The following WWOX variants were observed in gnomAD, a reference collection of about 807,000 sequenced individuals.
WWOX encodes the protein WW domain-containing oxidoreductase.
WWOX carries 69 observed loss-of-function variants against 46.2 expected under a neutral mutation model. That is an observed-to-expected ratio of 1.49 (90% CI 1.23 to 1.82). The LOEUF (loss-of-function observed/expected upper bound fraction) is 1.82, where lower values mean the gene tolerates loss of function less well. Among genes scored for constraint, WWOX ranks in the 40% most tolerant of loss-of-function variants. The pLI is 0.00. For missense variants in WWOX, 919 were observed against 542.6 expected, an observed-to-expected ratio of 1.69 and a Z score of -6.89; for synonymous variants, 359 against 202.6, an observed-to-expected ratio of 1.77 and a Z score of -6.56.
intron 8 of WWOX, among the ~76,000 whole-genome samples, chr16:79,075,053 A>C (rs2048629017): frequency 6.6e-6 from 1 of 152,168 alleles, no homozygotes; most frequent in Admixed American, 6.5e-5. Context: ...ATGAAAAATC[A>C]CTATGGAAGT....
intron 1 of WWOX, 83 bp from the exon 2 acceptor site, chr16:78,108,340 G>T (rs867248477): frequency 2.1e-6 from 3 of 1,403,978 alleles, no homozygotes; most frequent in Middle Eastern, 3.7e-4. Context: ...GGCTATCTGG[G>T]AGAGAAAAAA....
intron 8 of WWOX, chr16:78,534,312 A>ATAGC (rs1319126805): frequency 2.0e-5 from 3 of 152,208 alleles, no homozygotes; most frequent in Non-Finnish European, 4.4e-5. Flanking sequence ...TGCTTGGCAT[A>ATAGC]TAGCTGCTCA....
At chr16:78,115,490 A>G (rs2032733074) in intron 4 of WWOX, among the ~76,000 whole-genome samples, 1 of 152,222 alleles carries the variant, frequency 6.6e-6, no homozygotes, top group South Asian at 2.1e-4. Context: ...TGGGTTATTC[A>G]AACCAAAATT....
At chr16:79,169,817 T>A (rs1312648218) in intron 8 of WWOX, among the ~76,000 whole-genome samples, 1 of 152,154 alleles carries the variant, frequency 6.6e-6, no homozygotes, top group East Asian at 1.9e-4. Context: ...TTCCTGACTC[T>A]AAATAGTGGG....
chr16:78,112,001 C>G (rs911329258), intron 3 of WWOX: 1 of 153,506 alleles, frequency 6.5e-6, no homozygotes, highest in Non-Finnish European at 1.5e-5. Context: ...CCCAGCCGTT[C>G]GGGGCCACTA....
intron 8 of WWOX, among the ~76,000 whole-genome samples, chr16:78,841,314 A>G (rs1293836361): frequency 6.6e-6 from 1 of 152,214 alleles, no homozygotes; most frequent in African/African-American, 2.4e-5. Flanking sequence ...TGATCTGTCT[A>G]CATATGTAGC....
At chr16:79,118,688 C>T (rs1181890570) in intron 8 of WWOX, among the ~76,000 whole-genome samples, 1 of 152,234 alleles carries the variant, frequency 6.6e-6, no homozygotes, top group African/African-American at 2.4e-5. Context: ...TTCTGCTGCC[C>T]ATGGCAACCA....
chr16:78,102,376 C>G (rs1042583523), intron 1 of WWOX, among the ~76,000 whole-genome samples: 1 of 152,202 alleles, frequency 6.6e-6, no homozygotes, highest in Admixed American at 6.5e-5. Flanking sequence ...GGACCCATTT[C>G]AAGGATTTCT....
At chr16:78,661,956 A>G (rs2047223959) in intron 8 of WWOX, among the ~76,000 whole-genome samples, 1 of 152,174 alleles carries the variant, frequency 6.6e-6, no homozygotes, top group Non-Finnish European at 1.5e-5. Flanking sequence ...AGGTGGGAGG[A>G]TCATTTGAGC....
chr16:78,543,411 G>A lies in WWOX; in HGVS notation c.1056+110659G>A, dbSNP rs148171532. On this transcript the variant is annotated intron_variant, in intron 8 of 8. Transcript: ENST00000566780. ...ACAATGATGCCCTTTCACATACAGCGAGAAGGATTAAGAGGTACTGTATTG... is the reference window on the plus strand; with the variant it reads ...ACAATGATGCCCTTTCACATACAGCAAGAAGGATTAAGAGGTACTGTATTG... Among the ~76,000 whole-genome samples the A allele has an allele frequency of 5.0e-3, 767 of 152,274 alleles. 10 individuals are homozygous for A. The highest frequency in any genetic ancestry group is 0.018 in the African/African-American group (744 of 41,544).
At chr16:78,149,208 G>A (rs2034313124) in intron 4 of WWOX, among the ~76,000 whole-genome samples, 1 of 152,070 alleles carries the variant, frequency 6.6e-6, no homozygotes, top group African/African-American at 2.4e-5. Context: ...TGACAGTGAA[G>A]ACTTTTGGAA....
intron 8 of WWOX, chr16:79,203,329 C>A (rs2051402684): frequency 6.6e-6 from 1 of 152,176 alleles, no homozygotes; most frequent in Admixed American, 6.5e-5. Context: ...GTATGGAAAT[C>A]CACACACCTA....
chr16:78,817,462 G>A (rs1394000947), intron 8 of WWOX, among the ~76,000 whole-genome samples: 1 of 152,186 alleles, frequency 6.6e-6, no homozygotes, highest in Non-Finnish European at 1.5e-5. Flanking sequence ...TCTATCGGAA[G>A]AGTTGGCTTC....
chr16:79,003,462 T>G (rs1171565972), intron 8 of WWOX, among the ~76,000 whole-genome samples: 3 of 152,210 alleles, frequency 2.0e-5, no homozygotes, highest in Non-Finnish European at 4.4e-5. Context: ...TTTACTGGCG[T>G]AAAACGACAA....
intron 8 of WWOX, among the ~76,000 whole-genome samples, chr16:79,143,405 A>G (rs1324740197): frequency 1.3e-5 from 2 of 152,198 alleles, no homozygotes; most frequent in Non-Finnish European, 2.9e-5. Flanking sequence ...AATCATTGTA[A>G]CAGCTGCAGG....
chr16:78,637,274 T>C (rs2046595164), intron 8 of WWOX, among the ~76,000 whole-genome samples: 1 of 151,862 alleles, frequency 6.6e-6, no homozygotes, highest in South Asian at 2.1e-4. Flanking sequence ...CCTTCCCATA[T>C]CTACTAAAAA....
chr16:78,915,771 A>C (rs1567646578), intron 8 of WWOX, among the ~76,000 whole-genome samples: 1 of 152,212 alleles, frequency 6.6e-6, no homozygotes, highest in South Asian at 2.1e-4. Flanking sequence ...AATCACTTCG[A>C]AAAGGAACTT....
At chr16:79,058,928 A>G (rs1249357836) in intron 8 of WWOX, among the ~76,000 whole-genome samples, 3 of 152,242 alleles carry the variant, frequency 2.0e-5, no homozygotes, top group South Asian at 2.1e-4. Context: ...GTCAAAATCT[A>G]GAAATAGAGA....
intron 8 of WWOX, among the ~76,000 whole-genome samples, chr16:78,869,008 AG>A (rs1456505818): frequency 6.6e-6 from 1 of 152,190 alleles, no homozygotes; most frequent in Non-Finnish European, 1.5e-5. Context: ...AAAGTCACAA[AG>A]GCCAAAGTTT....
Sources: allele counts gnomAD v4.1 joint callset (sites outside exome capture counted in the v4.1 genomes callset), GRCh38; gene constraint gnomAD v4.1.1; transcripts MANE v1.5; gene names NCBI Gene and HGNC (gene_info 2026-07-23, HGNC 2026-07-21).